The following SOCS6 variants were observed in gnomAD, a reference collection of about 807,000 sequenced individuals.
The protein encoded by SOCS6 is suppressor of cytokine signaling 6, also known as STAT induced STAT inhibitor-4.
SOCS6 carries 5 observed loss-of-function variants against 27.7 expected under a neutral mutation model. That is an observed-to-expected ratio of 0.18 (90% CI 0.09 to 0.38). The LOEUF (loss-of-function observed/expected upper bound fraction) is 0.38. Ranked by LOEUF, SOCS6 falls within the 10% of genes least tolerant of loss-of-function variation. SOCS6 has a pLI of 1.00. For missense variants in SOCS6, 595 were observed against 688.1 expected (o/e 0.86, Z 1.51); for synonymous variants, 271 against 260.0 (o/e 1.04, Z -0.41).
chr18:70,290,555 ATCCATTCAGC>A (rs1285935070), intron 1 of SOCS6, among the ~76,000 whole-genome samples: 1 of 152,166 alleles, frequency 6.6e-6, no homozygotes. Flanking sequence ...AAGGTCTAGG[ATCCATTCAGC>A]TCTAAATTAA....
At chr18:70,322,308 G>A (rs1911020863) in intron 1 of SOCS6, among the ~76,000 whole-genome samples, 1 of 152,146 alleles carries the variant, frequency 6.6e-6, no homozygotes, top group Non-Finnish European at 1.5e-5. Flanking sequence ...TCTTTGCCTA[G>A]AATATGAAGG....
At chr18:70,318,987 G>T (rs1349710152) in intron 1 of SOCS6, among the ~76,000 whole-genome samples, 7 of 152,142 alleles carry the variant, frequency 4.6e-5, no homozygotes, top group Non-Finnish European at 8.8e-5. Context: ...AAGAAAGAAA[G>T]AAAGGAAATT....
chr18:70,290,987 G>A (rs2062296911), intron 1 of SOCS6, among the ~76,000 whole-genome samples: 2 of 152,216 alleles, frequency 1.3e-5, no homozygotes, highest in South Asian at 4.1e-4. Flanking sequence ...ACTGGGCGTA[G>A]GGTGGAAAAT....
Position 70,328,358 on chromosome 18 carries a change from GTCC to G in SOCS6, c.*2087_*2089del, listed in dbSNP as rs1911288318. Reference sequence around the variant, plus strand: ...TCCGTGTCTCCAGAAGCATTTACATGTCCTCCTTGTGAGATCATGGTGCACAGA... The same window carrying G: ...TCCGTGTCTCCAGAAGCATTTACATGTCCTTGTGAGATCATGGTGCACAGA... On this transcript the variant is annotated 3_prime_UTR_variant, in exon 2 of 2. Transcript: ENST00000397942. The G allele has an allele frequency of 6.0e-6, 1 of 166,598 alleles. No homozygotes were observed. The highest frequency in any genetic ancestry group is 2.4e-5 in the African/African-American group (1 of 41,386). The allele number at this position is 166,598 out of a possible 1,614,324, so 10.3% of individuals were successfully genotyped here. A position where few individuals can be genotyped will look rare whatever the true frequency, so the allele number is the denominator to read the frequency against.
intron 1 of SOCS6, among the ~76,000 whole-genome samples, chr18:70,290,316 A>C (rs534863491): frequency 3.3e-5 from 5 of 152,376 alleles, no homozygotes; most frequent in African/African-American, 1.2e-4. Context: ...TGAAGGTAGC[A>C]ATTTATCTTG....
At chr18:70,309,268 C>A (rs2062381012) in intron 1 of SOCS6, among the ~76,000 whole-genome samples, 1 of 151,878 alleles carries the variant, frequency 6.6e-6, no homozygotes, top group Non-Finnish European at 1.5e-5. Flanking sequence ...AACTTTTTAG[C>A]TTATGAAATA....
rs1003511404 is a variant in SOCS6 at position 70,289,416 on chromosome 18, C to G, written c.-127+326C>G. Among the ~76,000 whole-genome samples, 6 of 147,546 alleles carry G rather than the reference C, an allele frequency of 4.1e-5. No homozygotes were observed. The East Asian group carries it at 5.9e-4, about 15-fold the overall frequency. On this transcript the variant is annotated intron_variant, in intron 1 of 1. Coordinates refer to ENST00000397942, the MANE Select transcript of SOCS6 (RefSeq NM_004232.4). ...CCTGAAGGGCCGAGGCCTGCGCGGCCGCGGACGGCTCTTCTCGACCCCTCG... is the reference window on the plus strand; with the variant it reads ...CCTGAAGGGCCGAGGCCTGCGCGGCGGCGGACGGCTCTTCTCGACCCCTCG...
chr18:70,324,498 G>T (rs1361381176), intron 1 of SOCS6, 45 bp from the exon 2 acceptor site: 2 of 528,388 alleles, frequency 3.8e-6, no homozygotes, highest in African/African-American at 1.9e-5. Flanking sequence ...AAACTTTTGT[G>T]GAAATATTTT....
intron 1 of SOCS6, among the ~76,000 whole-genome samples, chr18:70,290,256 A>G (rs2062292855): frequency 6.6e-6 from 1 of 152,242 alleles, no homozygotes; most frequent in Non-Finnish European, 1.5e-5. Flanking sequence ...GAATCAAACA[A>G]AAGTAAACGT....
At chr18:70,290,721 C>G (rs752295173) in intron 1 of SOCS6, among the ~76,000 whole-genome samples, 1 of 152,234 alleles carries the variant, frequency 6.6e-6, no homozygotes, top group Non-Finnish European at 1.5e-5. Flanking sequence ...CCGCTTGTGC[C>G]TGGGTAAGGG....
chr18:70,313,057 G>C (rs1234247002), intron 1 of SOCS6, among the ~76,000 whole-genome samples: 1 of 152,156 alleles, frequency 6.6e-6, no homozygotes, highest in Non-Finnish European at 1.5e-5. Flanking sequence ...TGGGATTACA[G>C]GCGTGAGCCA....
chr18:70,306,566 AT>A (rs1237897278), intron 1 of SOCS6, among the ~76,000 whole-genome samples: 1 of 151,398 alleles, frequency 6.6e-6, no homozygotes, highest in Non-Finnish European at 1.5e-5. Context: ...TTCCTTTCCA[AT>A]TTGTATGCAT....
At chr18:70,294,398 G>A (rs1399160960) in intron 1 of SOCS6, among the ~76,000 whole-genome samples, 3 of 151,364 alleles carry the variant, frequency 2.0e-5, no homozygotes, top group Non-Finnish European at 4.4e-5. Context: ...TTCTTTTATT[G>A]GATGTTTACT....
intron 1 of SOCS6, among the ~76,000 whole-genome samples, chr18:70,307,977 G>A (rs1266313316): frequency 6.6e-6 from 1 of 152,136 alleles, no homozygotes; most frequent in Non-Finnish European, 1.5e-5. Flanking sequence ...TTTTTCCTAA[G>A]CACTACTTTA....
chr18:70,325,509 G>A lies in SOCS6; in HGVS notation c.841G>A (p.Val281Met). ...QDLVVAPEIF[V>M]DQSVNGLLIG... ...CCTAGTTGTCGCCCCAGAGATCTTC[G>A]TGGATCAGTCCGTGAATGGCTTGTT... The change falls in exon 2 of 2, where the codon GTG becomes ATG. Residue 281 changes from valine to methionine, a missense_variant. Physicochemically the swap from Val to Met is conservative, Grantham distance 21. Around this residue, in one of 2 missense-constraint regions of SOCS6, gnomAD observed 467 missense variants for 481.1 expected, o/e 0.97. Transcript: ENST00000397942. The surrounding 1 kb of genome is among the most constrained non-coding windows in gnomAD (Gnocchi z 6.3). 6 of 1,614,146 alleles carry A rather than the reference G, an allele frequency of 3.7e-6. No individual in the cohort carries two copies. The highest frequency in any genetic ancestry group is 1.1e-5 in the South Asian group (1 of 91,070).
intron 1 of SOCS6, among the ~76,000 whole-genome samples, chr18:70,321,191 T>C (rs931479279): frequency 1.3e-5 from 2 of 151,794 alleles, no homozygotes; most frequent in African/African-American, 4.8e-5. Flanking sequence ...GGAGGATCTC[T>C]TGAACCCAGG....
In SOCS6 at chr18:70,294,185, A is replaced by G. The variant is rs190451051; in HGVS notation, c.-127+5095A>G. On this transcript the variant is annotated intron_variant, in intron 1 of 1. Transcript: ENST00000397942. Reference sequence around the variant, plus strand: ...CAAGTGCTAATACTTTAACACTAGTATTCTACTCCTTTATCTGACTGCTTT... The same window carrying G: ...CAAGTGCTAATACTTTAACACTAGTGTTCTACTCCTTTATCTGACTGCTTT... Among the ~76,000 whole-genome samples the G allele has an allele frequency of 3.9e-5, 6 of 152,138 alleles. No individual in the cohort carries two copies. In the East Asian group the frequency reaches 1.2e-3, roughly 29 times the overall value.
intron 1 of SOCS6, among the ~76,000 whole-genome samples, chr18:70,318,404 G>A (rs1218284843): frequency 2.0e-5 from 3 of 152,148 alleles, no homozygotes; most frequent in Non-Finnish European, 2.9e-5. Flanking sequence ...TGTCTTTGGT[G>A]TTGGAGATAC....
At chr18:70,318,686 C>G (rs1215924567) in intron 1 of SOCS6, among the ~76,000 whole-genome samples, 2 of 151,782 alleles carry the variant, frequency 1.3e-5, no homozygotes, top group Non-Finnish European at 2.9e-5. Flanking sequence ...GCCTGTAATC[C>G]CAGCACTTTG....
Sources: gnomAD v4.1 joint callset for allele counts (sites outside exome capture counted in the v4.1 genomes callset) on GRCh38, gnomAD v4.1.1 for gene constraint, gnomAD v4.1.1 regional missense constraint, Gnocchi (gnomAD v3.1) non-coding constraint, MANE v1.5 for transcripts, NCBI Gene and HGNC (gene_info 2026-07-23, HGNC 2026-07-21) for gene names.